Variants in PHKA1 observed in about 807,000 individuals in gnomAD.
PHKA1 encodes phosphorylase b kinase regulatory subunit alpha, skeletal muscle isoform.
In PHKA1, 60 loss-of-function variants were observed where a neutral mutation model predicts 110.2. The observed-to-expected ratio is 0.54, with a 90% CI of 0.44 to 0.68. The LOEUF (loss-of-function observed/expected upper bound fraction) is 0.68. Ranked by LOEUF, PHKA1 falls within the 30% of genes least tolerant of loss-of-function variation. The pLI is 0.00. For missense variants in PHKA1, 801 were observed against 942.5 expected (o/e 0.85, Z 1.97); for synonymous variants, 316 against 333.6 (o/e 0.95, Z 0.58).
chrX:72,621,220 T>G (rs191527608), intron 18 of PHKA1, among the ~76,000 whole-genome samples: 1 of 111,607 alleles, frequency 9.0e-6, no homozygotes, highest in African/African-American at 3.3e-5. Flanking sequence ...TGTGTGCATG[T>G]GATAGTAATG....
chrX:72,602,181 G>C lies in PHKA1; in HGVS notation c.3010C>G (p.Gln1004Glu), dbSNP rs781816542. 8.4e-7 allele frequency: 1 copy of C among 1,197,471 alleles called. No homozygotes were observed. The highest frequency in any genetic ancestry group is 1.8e-5 in the South Asian group (1 of 56,533). Reference sequence around the variant, plus strand: ...ACCTGCTTTATCTCACTTTTTAACTGCATGATCCCAGTTCGTTCTGTTTTG... The same window carrying C: ...ACCTGCTTTATCTCACTTTTTAACTCCATGATCCCAGTTCGTTCTGTTTTG... ...ATKTERTGIMQLKSEIKQVEF... is the reference protein window; with the variant it reads ...ATKTERTGIMELKSEIKQVEF... The change falls in exon 27 of 32, where the codon CAG becomes GAG. Residue 1004 changes from glutamine (Q) to glutamate (E), a missense_variant. Gln to Glu is a conservative substitution (Grantham distance 29). Coordinates refer to ENST00000373542, the MANE Select transcript of PHKA1 (RefSeq NM_002637.4).
In PHKA1 at chrX:72,584,939, C is replaced by T. The variant is rs1190307389; in HGVS notation, c.3244-637G>A. Among the ~76,000 whole-genome samples, 3 of 84,332 alleles carry T rather than the reference C, an allele frequency of 3.6e-5. No individual in the cohort carries two copies. The East Asian group carries it at 1.2e-3, about 34-fold the overall frequency. 73.2% of individuals were successfully genotyped at this position (84,332 alleles called of 115,157 possible). On this transcript the variant is annotated intron_variant, in intron 29 of 31. Coordinates refer to ENST00000373542, the MANE Select transcript of PHKA1 (RefSeq NM_002637.4). ...ATGACAGGCCCCAGTGTGTGATGTT[C>T]CCCATCCTGTGTCCAAGTGTTCCCA...
rs145234109 is a variant in PHKA1 at position 72,623,267 on chromosome X, G to A, written c.1802C>T (p.Thr601Ile). The change falls in exon 18 of 32, where the codon ACA (threonine) becomes ATA (isoleucine). Residue 601 changes from threonine (T) to isoleucine (I), a missense_variant. By Grantham distance (89) the Thr-to-Ile change is moderately conservative. Transcript: ENST00000373542. ...TGTCAAAAACTCTGACAATTTACCT[G>A]TTTGAACCCTAAAAATTAGAGGAGG... Reference protein sequence around the residue: ...DGYFGGARVQTGKLSEFLTTS... With the variant: ...DGYFGGARVQIGKLSEFLTTS... 6 of 1,205,566 alleles carry A rather than the reference G, an allele frequency of 5.0e-6. No homozygotes were observed. The highest frequency in any genetic ancestry group is 1.8e-5 in the African/African-American group (1 of 56,963).
intron 30 of PHKA1, among the ~76,000 whole-genome samples, chrX:72,583,801 G>A (rs1195296806): frequency 1.8e-5 from 2 of 111,995 alleles, no homozygotes; most frequent in Admixed American, 9.5e-5. Context: ...AGATGCTCAC[G>A]TCCCATCCCT....
chrX:72,693,404 C>T (rs781862757), intron 4 of PHKA1, among the ~76,000 whole-genome samples: 27 of 112,007 alleles, frequency 2.4e-4, no homozygotes, highest in African/African-American at 8.4e-4. Context: ...AAGTCAATTC[C>T]TTTGGGAAAA....
intron 20 of PHKA1, 125 bp downstream of exon 20, chrX:72,619,089 T>C (rs111307728): frequency 1.8e-6 from 1 of 558,131 alleles, no homozygotes; most frequent in Non-Finnish European, 3.1e-6. Context: ...ACATGTATCT[T>C]CACCAGAATA....
intron 21 of PHKA1, among the ~76,000 whole-genome samples, chrX:72,617,333 T>C (rs980297903): frequency 1.8e-5 from 2 of 110,895 alleles, no homozygotes; most frequent in Admixed American, 9.6e-5. Flanking sequence ...CTGGGTAACA[T>C]AGTAAGACCT....
At chrX:72,693,469 G>A (rs1192871763) in intron 4 of PHKA1, among the ~76,000 whole-genome samples, 1 of 112,063 alleles carries the variant, frequency 8.9e-6, no homozygotes, top group Non-Finnish European at 1.9e-5. Context: ...AAATTTCCGT[G>A]CCAGTGCTCC....
At chrX:72,598,896 C>T (rs2052624000) in intron 28 of PHKA1, among the ~76,000 whole-genome samples, 1 of 110,438 alleles carries the variant, frequency 9.1e-6, no homozygotes, top group South Asian at 3.9e-4. Flanking sequence ...AGAAAAGAGC[C>T]CCCAAACATT....
Position 72,687,745 on chromosome X carries a change from C to T in PHKA1, c.455-3165G>A, listed in dbSNP as rs147412623. ...TTAACAAATATTAAGGAAATTAGTC[C>T]GTTGCACATCATATGTGTTGCAAGT... On this transcript the variant is annotated intron_variant, in intron 4 of 31. Transcript: ENST00000373542. 5.4e-3 allele frequency among the ~76,000 whole-genome samples: 597 copies of T among 110,858 alleles called. 14 individuals are homozygous for T. In the East Asian group the frequency reaches 0.057, roughly 11 times the overall value.
rs782144311 is a variant in PHKA1, at chrX:72,626,345, AAAAAG to A, written c.1793+621_1793+625del. On this transcript the variant is annotated intron_variant, in intron 17 of 31. Transcript: ENST00000373542. ...TTTTTCAAAATAAAAACTTAAGTGG[AAAAAG>A]AAAAGAAAAGCAGCTGGAATCAAAT... is the stretch of plus-strand genomic sequence containing the variant. Among the ~76,000 whole-genome samples, 15 of 111,068 alleles carry A rather than the reference AAAAAG, an allele frequency of 1.4e-4. No individual in the cohort carries two copies. In the East Asian group the frequency reaches 4.2e-3, roughly 31 times the overall value.
At chrX:72,653,158 G>T (rs2053450416) in intron 11 of PHKA1, among the ~76,000 whole-genome samples, 1 of 111,597 alleles carries the variant, frequency 9.0e-6, no homozygotes, top group Non-Finnish European at 1.9e-5. Context: ...AGTCCACACA[G>T]AACATCATCC....
Position 72,619,268 on chromosome X carries a change from A to G in PHKA1, c.2175T>C (p.Ala725=). ...HMYLPTKLFQ[A]SRPSFNLLDS... ...CAAGTAAGTTGAATGAAGGCCGGGA[A>G]GCCTGAAATAACTTCGTAGGAAGAT... The change falls in exon 20 of 32, where the codon GCT becomes GCC. Residue 725 remains alanine, a synonymous_variant. Coordinates refer to ENST00000373542, the MANE Select transcript of PHKA1 (RefSeq NM_002637.4). The G allele has an allele frequency of 8.4e-7, 1 of 1,193,179 alleles. No homozygotes were observed. Among genetic ancestry groups the G allele is most frequent in the Non-Finnish European group, 1.1e-6 (1 of 878,865 alleles).
chrX:72,587,707 A>G (rs932151442), intron 29 of PHKA1, among the ~76,000 whole-genome samples: 2 of 111,504 alleles, frequency 1.8e-5, no homozygotes, highest in Admixed American at 9.5e-5. Context: ...GCAGAGACAC[A>G]CATAGGCTCA....
intron 13 of PHKA1, among the ~76,000 whole-genome samples, chrX:72,647,271 T>G (rs1340154946): frequency 2.7e-5 from 3 of 111,966 alleles, no homozygotes; most frequent in East Asian, 5.6e-4. Context: ...TGTTAACTGT[T>G]GAATGTAGGA....
intron 28 of PHKA1, among the ~76,000 whole-genome samples, chrX:72,595,447 G>A (rs782405403): frequency 5.4e-5 from 6 of 110,848 alleles, no homozygotes; most frequent in Non-Finnish European, 9.4e-5. Flanking sequence ...CCTGAACCAG[G>A]GAGATTAAGT....
intron 21 of PHKA1, among the ~76,000 whole-genome samples, chrX:72,614,747 G>A (rs2052865667): frequency 9.0e-6 from 1 of 111,329 alleles, no homozygotes; most frequent in Admixed American, 9.6e-5. Context: ...CCCTGTGGTA[G>A]TGTTGATGCT....
At chrX:72,679,468 G>A (rs1346896496) in intron 5 of PHKA1, among the ~76,000 whole-genome samples, 1 of 109,748 alleles carries the variant, frequency 9.1e-6, no homozygotes, top group Non-Finnish European at 1.9e-5. Flanking sequence ...AGCCCATAAT[G>A]AGACAAATCA....
chrX:72,618,727 A>G lies in PHKA1; in HGVS notation c.2352T>C (p.Tyr784=). 1 of 1,197,393 alleles carries G rather than the reference A, an allele frequency of 8.4e-7. No homozygotes were observed. Among genetic ancestry groups the G allele is most frequent in the Non-Finnish European group, 1.1e-6 (1 of 882,419 alleles). Residue 784 remains tyrosine (Y), a synonymous_variant, in exon 21 of 32, where the codon TAT becomes TAC. Transcript: ENST00000373542. ...CCACTTACTTCATAGTATACAGCATATAGAGGATATCAGCTTGTTCCTGTA... is the reference window on the plus strand; with the variant it reads ...CCACTTACTTCATAGTATACAGCATGTAGAGGATATCAGCTTGTTCCTGTA... ...SSLQEQADIL[Y]MLYTMKGPDW...
Sources: gnomAD v4.1 joint callset for allele counts (sites outside exome capture counted in the v4.1 genomes callset) on GRCh38, gnomAD v4.1.1 for gene constraint, MANE v1.5 for transcripts, NCBI Gene and HGNC (gene_info 2026-07-23, HGNC 2026-07-21) for gene names.